The following HPSE2 variants were observed in gnomAD, a reference collection of about 807,000 sequenced individuals.
HPSE2 encodes the protein heparanase 2 (inactive), also known as inactive heparanase-2.
In HPSE2, 38 loss-of-function variants were observed where a neutral mutation model predicts 60.5. The ratio of observed to expected loss-of-function variants is 0.63; its 90% CI spans 0.48 to 0.82. HPSE2 has a LOEUF of 0.82. Among genes scored for constraint, HPSE2 ranks in the 40% least tolerant of loss-of-function variants. The pLI is 0.00. For missense variants in HPSE2, 713 were observed against 740.4 expected, an observed-to-expected ratio of 0.96 and a Z score of 0.43; for synonymous variants, 295 against 293.2, an observed-to-expected ratio of 1.01 and a Z score of -0.06.
At chr10:98,567,495 G>A (rs987141283) in intron 9 of HPSE2, among the ~76,000 whole-genome samples, 14 of 152,130 alleles carry the variant, frequency 9.2e-5, no homozygotes, top group Admixed American at 1.3e-4. Context: ...ATGTTTTGTG[G>A]TTGGCTTTTG....
At chr10:98,992,943 T>C (rs1360278995) in intron 3 of HPSE2, among the ~76,000 whole-genome samples, 2 of 152,232 alleles carry the variant, frequency 1.3e-5, no homozygotes, top group Non-Finnish European at 2.9e-5. Context: ...ATAATAGTTA[T>C]GGGAATTTCT....
intron 3 of HPSE2, among the ~76,000 whole-genome samples, chr10:98,914,789 T>C (rs1478038131): frequency 6.6e-6 from 1 of 151,794 alleles, no homozygotes; most frequent in Non-Finnish European, 1.5e-5. Context: ...AGCATTAAGA[T>C]ACCTGTCCTC....
intron 3 of HPSE2, among the ~76,000 whole-genome samples, chr10:99,105,146 T>C (rs1844191431): frequency 6.6e-6 from 1 of 152,074 alleles, no homozygotes; most frequent in African/African-American, 2.4e-5. Context: ...TGTCTATTGC[T>C]ACAGTTTTTC....
chr10:99,301,771 A>G, the HPSE2 span, among the ~76,000 whole-genome samples: 10 of 152,172 alleles, frequency 6.6e-5, no homozygotes, highest in African/African-American at 2.4e-4. Context: ...ACCTTTGGAC[A>G]ACAATTAGAT....
At chr10:99,239,418 G>GTTT (rs760549054), upstream of HPSE2, among the ~76,000 whole-genome samples, 72 of 100,418 alleles carry the variant, frequency 7.2e-4, 1 homozygote, top group Non-Finnish European at 9.7e-4. Context: ...GTTTGTCAAG[G>GTTT]TTTTTTTTTT....
At chr10:98,862,876 T>C (rs1952492670) in intron 3 of HPSE2, among the ~76,000 whole-genome samples, 1 of 152,180 alleles carries the variant, frequency 6.6e-6, no homozygotes, top group Non-Finnish European at 1.5e-5. Context: ...TCCTCCTGCC[T>C]CAGCCTCCCA....
chr10:99,247,653 C>T, the HPSE2 span, among the ~76,000 whole-genome samples: 1 of 152,210 alleles, frequency 6.6e-6, no homozygotes, highest in Non-Finnish European at 1.5e-5. Flanking sequence ...TCAAGACACA[C>T]ATCTCACACA....
chr10:98,567,419 G>A (rs1463081629), intron 9 of HPSE2, among the ~76,000 whole-genome samples: 3 of 152,148 alleles, frequency 2.0e-5, no homozygotes, highest in Non-Finnish European at 2.9e-5. Flanking sequence ...ACCATGTCAT[G>A]GAAACACTCA....
chr10:99,195,893 T>C (rs1320404175), intron 2 of HPSE2, among the ~76,000 whole-genome samples: 1 of 151,574 alleles, frequency 6.6e-6, no homozygotes, highest in Non-Finnish European at 1.5e-5. Context: ...AGACCAAGAA[T>C]AGCCAAAACT....
At chr10:98,470,662 T>C (rs1175031763) in intron 11 of HPSE2, among the ~76,000 whole-genome samples, 1 of 152,232 alleles carries the variant, frequency 6.6e-6, no homozygotes, top group Non-Finnish European at 1.5e-5. Context: ...ATTCTGCTGC[T>C]CTCTCACTTT....
At chr10:98,602,318 A>G (rs1224260892) in intron 9 of HPSE2, among the ~76,000 whole-genome samples, 1 of 152,158 alleles carries the variant, frequency 6.6e-6, no homozygotes, top group African/African-American at 2.4e-5. Context: ...GGTTGTGCTT[A>G]CTGAAAGCTG....
intron 3 of HPSE2, among the ~76,000 whole-genome samples, chr10:98,875,783 C>T (rs1020278416): frequency 3.3e-5 from 5 of 151,996 alleles, no homozygotes; most frequent in Non-Finnish European, 7.4e-5. Flanking sequence ...CTATTTGCAT[C>T]AAATAAACAC....
chr10:99,094,541 T>TATATATATATATATATATATA (rs1491238747), intron 3 of HPSE2, among the ~76,000 whole-genome samples: 2 of 13,692 alleles, frequency 1.5e-4, no homozygotes, highest in African/African-American at 2.1e-4. Flanking sequence ...TATATATATA[T>TATATATATATATATATATATA]TTTTTTTTTT....
chr10:98,827,442 G>A (rs7915344), intron 3 of HPSE2, among the ~76,000 whole-genome samples: 76,696 of 151,872 alleles, frequency 0.51, 21,360 homozygotes, highest in South Asian at 0.75. Flanking sequence ...TCCTGACTTC[G>A]TGATCCGCCC....
chr10:98,989,636 T>A (rs538759987), intron 3 of HPSE2, among the ~76,000 whole-genome samples: 1 of 148,850 alleles, frequency 6.7e-6, no homozygotes, highest in Non-Finnish European at 1.5e-5. Context: ...CCCTAATACT[T>A]AAAGTATAAT....
intron 3 of HPSE2, among the ~76,000 whole-genome samples, chr10:98,952,445 A>T (rs1232724818): frequency 6.6e-6 from 1 of 151,762 alleles, no homozygotes; most frequent in Non-Finnish European, 1.5e-5. Flanking sequence ...TCATTTTAAA[A>T]CGGTAAATCC....
At chr10:98,579,952 C>T (rs1323736489) in intron 9 of HPSE2, among the ~76,000 whole-genome samples, 1 of 152,210 alleles carries the variant, frequency 6.6e-6, no homozygotes, top group African/African-American at 2.4e-5. Context: ...GGACTATCTG[C>T]ACTGTTAAGT....
the HPSE2 span, among the ~76,000 whole-genome samples, chr10:99,268,786 C>T: frequency 6.6e-6 from 1 of 151,810 alleles, no homozygotes; most frequent in African/African-American, 2.4e-5. Flanking sequence ...AGAATAGTAC[C>T]TCACATCTCA....
At chr10:98,836,601 T>C (rs1340202012) in intron 3 of HPSE2, among the ~76,000 whole-genome samples, 2 of 152,164 alleles carry the variant, frequency 1.3e-5, no homozygotes, top group Non-Finnish European at 2.9e-5. Context: ...GAACAGGTCA[T>C]GAGTAAGGAC....
Sources: allele counts gnomAD v4.1 joint callset (sites outside exome capture counted in the v4.1 genomes callset), GRCh38; gene constraint gnomAD v4.1.1; transcripts MANE v1.5; gene names NCBI Gene and HGNC (gene_info 2026-07-23, HGNC 2026-07-21).